The following GRM8 variants were observed in gnomAD, a reference collection of about 807,000 sequenced individuals.
The protein encoded by GRM8 is metabotropic glutamate receptor 8.
A neutral mutation model predicts 87.2 loss-of-function variants in GRM8; 47 were observed. That is an observed-to-expected ratio of 0.54 (90% CI 0.43 to 0.69). GRM8 has a LOEUF of 0.69. Among genes scored for constraint, GRM8 ranks in the 30% least tolerant of loss-of-function variants. The pLI, the probability that GRM8 is intolerant of heterozygous loss-of-function variation, is 0.00. For synonymous variants in GRM8, 396 were observed against 404.5 expected, an observed-to-expected ratio of 0.98 and a Z score of 0.25; for missense variants, 1,019 against 1,139.2, an observed-to-expected ratio of 0.89 and a Z score of 1.52.
intron 3 of GRM8, among the ~76,000 whole-genome samples, chr7:126,923,809 A>C (rs1185492533): frequency 1.3e-5 from 2 of 152,158 alleles, no homozygotes; most frequent in Non-Finnish European, 1.5e-5. Context: ...ACCCCTCCAG[A>C]TAGAGCTTGA....
chr7:127,096,920 T>TAAG (rs1824713596), intron 3 of GRM8, among the ~76,000 whole-genome samples: 1 of 152,148 alleles, frequency 6.6e-6, no homozygotes, highest in African/African-American at 2.4e-5. Context: ...AGATAATGCA[T>TAAG]AAGGCATGGT....
At position 126,748,639 on chromosome 7, in the gene GRM8, C is replaced by T. The variant is rs145550335; in HGVS notation, c.1357+21226G>A. Among the ~76,000 whole-genome samples, 453 of 96,362 alleles carry T rather than the reference C, an allele frequency of 4.7e-3. 4 individuals carry two copies. The highest frequency in any genetic ancestry group is 0.016 in the African/African-American group (372 of 23,828). 63.2% of individuals were successfully genotyped at this position (96,362 alleles called of 152,430 possible). ...TTTTTTTTTTGTAAAAATTGACAAA[C>T]GGATTATAAAATTCATACATAGATG... On this transcript the variant is annotated intron_variant, in intron 7 of 10. Coordinates refer to ENST00000339582, the MANE Select transcript of GRM8 (RefSeq NM_000845.3).
intron 7 of GRM8, among the ~76,000 whole-genome samples, chr7:126,660,469 T>A (rs1387383326): frequency 6.6e-6 from 1 of 152,190 alleles, no homozygotes; most frequent in African/African-American, 2.4e-5. Context: ...AAGTTTAATT[T>A]TCTCCAAATT....
chr7:126,865,948 G>C (rs1798557469), intron 6 of GRM8, among the ~76,000 whole-genome samples: 1 of 152,170 alleles, frequency 6.6e-6, no homozygotes, highest in South Asian at 2.1e-4. Flanking sequence ...ACACAGCTAA[G>C]AGTAGAACCG....
intron 3 of GRM8, among the ~76,000 whole-genome samples, chr7:127,064,979 C>A (rs1301628271): frequency 6.6e-6 from 1 of 152,160 alleles, no homozygotes; most frequent in Non-Finnish European, 1.5e-5. Context: ...GAGCTAAAAG[C>A]AGAACTACCA....
At chr7:126,800,384 C>T (rs1822527580) in intron 6 of GRM8, among the ~76,000 whole-genome samples, 1 of 152,136 alleles carries the variant, frequency 6.6e-6, no homozygotes, top group East Asian at 1.9e-4. Flanking sequence ...GTGCTGCCTT[C>T]AGTAGACTTT....
intron 2 of GRM8, among the ~76,000 whole-genome samples, chr7:127,166,613 G>A (rs191508581): frequency 3.5e-4 from 53 of 152,258 alleles, no homozygotes; most frequent in African/African-American, 1.1e-3. Context: ...AAGCTCTTTA[G>A]TATGTGCAAC....
intron 7 of GRM8, among the ~76,000 whole-genome samples, chr7:126,650,304 A>G (rs1803664946): frequency 6.6e-6 from 1 of 152,174 alleles, no homozygotes; most frequent in South Asian, 2.1e-4. Context: ...CCCAGCCTGC[A>G]CCAATGGCCT....
intron 6 of GRM8, among the ~76,000 whole-genome samples, chr7:126,788,420 A>AAAAAAAAAAAAAAAAAAAAAAAAAAC: frequency 6.2e-5 from 5 of 81,126 alleles, no homozygotes; most frequent in East Asian, 3.7e-4. Context: ...AAAAAAAAAA[A>AAAAAAAAAAAAAAAAAAAAAAAAAAC]AAACCCTTTC....
intron 2 of GRM8, among the ~76,000 whole-genome samples, chr7:127,147,802 G>A (rs549287320): frequency 5.3e-5 from 8 of 151,942 alleles, no homozygotes; most frequent in Non-Finnish European, 7.4e-5. Flanking sequence ...CCCAGAGAAA[G>A]AATATTAGAG....
chr7:127,188,843 G>A (rs1794874274), intron 2 of GRM8, among the ~76,000 whole-genome samples: 1 of 152,144 alleles, frequency 6.6e-6, no homozygotes. Context: ...ATCCACCAGG[G>A]CTGAGTTGAC....
At chr7:126,830,256 C>G (rs1312518758) in intron 6 of GRM8, among the ~76,000 whole-genome samples, 2 of 152,148 alleles carry the variant, frequency 1.3e-5, no homozygotes, top group African/African-American at 4.8e-5. Context: ...GCCTGCCTTG[C>G]TAGATTGGGG....
chr7:126,967,527 A>C (rs1263703757), intron 3 of GRM8, among the ~76,000 whole-genome samples: 2 of 139,352 alleles, frequency 1.4e-5, no homozygotes, highest in African/African-American at 5.5e-5. Context: ...TTATGTGAAA[A>C]CCTCTTAAAT....
chr7:126,991,851 C>A (rs1812689574), intron 3 of GRM8, among the ~76,000 whole-genome samples: 1 of 152,070 alleles, frequency 6.6e-6, no homozygotes, highest in Admixed American at 6.5e-5. Context: ...CATGGCCCTT[C>A]CCCAAGAAAA....
intron 8 of GRM8, among the ~76,000 whole-genome samples, chr7:126,577,774 G>A (rs556432832): frequency 2.6e-5 from 4 of 152,220 alleles, no homozygotes; most frequent in Admixed American, 1.3e-4. Context: ...ACCCTCTTGA[G>A]CATGCTTTCT....
At chr7:126,993,879 G>A (rs1563391640) in intron 3 of GRM8, among the ~76,000 whole-genome samples, 1 of 152,154 alleles carries the variant, frequency 6.6e-6, no homozygotes, top group Non-Finnish European at 1.5e-5. Flanking sequence ...ACTGCTCTGG[G>A]ATCCTAGGTG....
At chr7:126,628,358 C>T (rs1800902694) in intron 7 of GRM8, among the ~76,000 whole-genome samples, 1 of 152,096 alleles carries the variant, frequency 6.6e-6, no homozygotes, top group Non-Finnish European at 1.5e-5. Flanking sequence ...TCCCTCTTTT[C>T]CTATTGCCTG....
intron 2 of GRM8, among the ~76,000 whole-genome samples, chr7:127,185,597 G>A (rs181577827): frequency 1.5e-3 from 227 of 151,856 alleles, no homozygotes; most frequent in African/African-American, 4.9e-3. Context: ...CATAATCTAC[G>A]AAAAAAAATT....
intron 3 of GRM8, among the ~76,000 whole-genome samples, chr7:127,048,241 A>AAAAGG (rs10633302): frequency 0.75 from 113,586 of 151,758 alleles, 43,784 homozygotes; most frequent in African/African-American, 0.9. Context: ...AAAGATTTCA[A>AAAAGG]TGAGAGCATG....
Sources: allele counts gnomAD v4.1 joint callset (sites outside exome capture counted in the v4.1 genomes callset), GRCh38; gene constraint gnomAD v4.1.1; transcripts MANE v1.5; gene names NCBI Gene and HGNC (gene_info 2026-07-23, HGNC 2026-07-21).